MYOZ2: variants seen among roughly 807,000 people sequenced by gnomAD.
MYOZ2 encodes the protein myozenin 2.
A neutral mutation model predicts 25.4 loss-of-function variants in MYOZ2; 19 were observed. That is an observed-to-expected ratio of 0.75 (90% CI 0.52 to 1.10). The LOEUF (loss-of-function observed/expected upper bound fraction) is 1.10, where lower values mean the gene tolerates loss of function less well. Ranked by LOEUF, MYOZ2 falls within the 50% of genes least tolerant of loss-of-function variation. The probability of loss-of-function intolerance (pLI) is 0.00; values close to 1 mark genes in which losing one functional copy is unlikely to be tolerated. For missense variants in MYOZ2, 270 were observed against 317.9 expected, an observed-to-expected ratio of 0.85 and a Z score of 1.15; for synonymous variants, 92 against 106.9, an observed-to-expected ratio of 0.86 and a Z score of 0.86.
At chr4:119,167,406 T>C (rs917992870) in intron 5 of MYOZ2, among the ~76,000 whole-genome samples, 4 of 152,200 alleles carry the variant, frequency 2.6e-5, no homozygotes, top group Non-Finnish European at 5.9e-5. Context: ...AGTTGGAAGC[T>C]AGTAGTTGTT....
chr4:119,168,655 T>C (rs568375519), intron 5 of MYOZ2, among the ~76,000 whole-genome samples: 1 of 150,796 alleles, frequency 6.6e-6, no homozygotes, highest in South Asian at 2.1e-4. Flanking sequence ...TGTGACTGAA[T>C]TGCTGCAATC....
chr4:119,153,316 A>C (rs1741495994), intron 3 of MYOZ2, among the ~76,000 whole-genome samples: 1 of 152,132 alleles, frequency 6.6e-6, no homozygotes. Context: ...TATTAGACTC[A>C]GGTCTATTTC....
At chr4:119,178,627 G>C (rs892990175) in intron 5 of MYOZ2, among the ~76,000 whole-genome samples, 1 of 151,994 alleles carries the variant, frequency 6.6e-6, no homozygotes, top group East Asian at 1.9e-4. Flanking sequence ...ATTTATTTGA[G>C]TTGGAGTCTC....
Position 119,151,055 on chromosome 4 carries a change from G to A in MYOZ2, c.246+14G>A. ...GCACAAATAAATGTAGGTATAACTT[G>A]AACAGGTAGTATCCAAATGAATGCG... On this transcript the variant is annotated intron_variant, in intron 3 of 5. Coordinates refer to ENST00000307128, the MANE Select transcript of MYOZ2 (RefSeq NM_016599.5). The A allele has an allele frequency of 6.3e-7, 1 of 1,595,054 alleles. No individual in the cohort carries two copies. Among genetic ancestry groups the A allele is most frequent in the Non-Finnish European group, 8.6e-7 (1 of 1,163,150 alleles).
intron 2 of MYOZ2, among the ~76,000 whole-genome samples, chr4:119,139,311 C>T (rs985343298): frequency 1.3e-5 from 2 of 152,178 alleles, no homozygotes; most frequent in Admixed American, 1.3e-4. Context: ...AGACAAACCT[C>T]TGTGCTTTAT....
At chr4:119,172,589 G>A (rs911590525) in intron 5 of MYOZ2, among the ~76,000 whole-genome samples, 2 of 152,194 alleles carry the variant, frequency 1.3e-5, no homozygotes, top group African/African-American at 4.8e-5. Flanking sequence ...CCATAGTGAT[G>A]TTATCCCCAA....
intron 5 of MYOZ2, 34 bp downstream of exon 5, chr4:119,164,428 T>A (rs1374631763): frequency 1.9e-6 from 3 of 1,609,778 alleles, no homozygotes. Context: ...ACTGTTGGCA[T>A]GCAATACCAA....
intron 5 of MYOZ2, among the ~76,000 whole-genome samples, chr4:119,172,342 C>G (rs1488002046): frequency 6.6e-6 from 1 of 152,142 alleles, no homozygotes; most frequent in Admixed American, 6.6e-5. Flanking sequence ...ACCAGTCTCC[C>G]TGGGGATCAG....
At chr4:119,144,423 G>A (rs1003579575) in intron 2 of MYOZ2, among the ~76,000 whole-genome samples, 4 of 152,164 alleles carry the variant, frequency 2.6e-5, no homozygotes, top group African/African-American at 9.7e-5. Flanking sequence ...ATGAACATTT[G>A]GGTATATGAT....
At chr4:119,149,642 T>C (rs1047853528) in intron 2 of MYOZ2, among the ~76,000 whole-genome samples, 2 of 152,192 alleles carry the variant, frequency 1.3e-5, no homozygotes, top group Non-Finnish European at 2.9e-5. Flanking sequence ...CTGGGGTCCC[T>C]AGCTTGTCTG....
intron 5 of MYOZ2, among the ~76,000 whole-genome samples, chr4:119,182,248 T>C (rs1742197888): frequency 6.6e-6 from 1 of 152,216 alleles, no homozygotes; most frequent in African/African-American, 2.4e-5. Flanking sequence ...ATTTAGCTTC[T>C]AGCAAATTGG....
rs1553958625 is a variant in MYOZ2 at position 119,158,108 on chromosome 4, C to T, written c.333C>T (p.Thr111=). Residue 111 remains threonine (T), a synonymous_variant, in exon 4 of 6, where the codon ACC becomes ACT. Coordinates refer to ENST00000307128, the MANE Select transcript of MYOZ2 (RefSeq NM_016599.5). ...AAGCCCCCTTGACTCCTCCCAACAC[C>T]CCAGATCCACGAAGCCCTCCAAATC... ...SQQAPLTPPN[T]PDPRSPPNPD... 6 of 1,613,932 alleles carry T rather than the reference C, an allele frequency of 3.7e-6. No individual in the cohort carries two copies. Among genetic ancestry groups the T allele is most frequent in the Non-Finnish European group, 5.1e-6 (6 of 1,179,984 alleles).
intron 5 of MYOZ2, among the ~76,000 whole-genome samples, chr4:119,184,014 C>T (rs528422168): frequency 6.6e-6 from 1 of 152,050 alleles, no homozygotes; most frequent in Admixed American, 6.6e-5. Context: ...TGGGTTTCTC[C>T]ATGTTGGTCA....
At chr4:119,139,003 T>A (rs1741100570) in intron 2 of MYOZ2, among the ~76,000 whole-genome samples, 1 of 152,168 alleles carries the variant, frequency 6.6e-6, no homozygotes, top group African/African-American at 2.4e-5. Flanking sequence ...AAAAATTCTC[T>A]TCATATAGAT....
intron 4 of MYOZ2, among the ~76,000 whole-genome samples, chr4:119,161,329 T>C (rs1332235174): frequency 6.6e-6 from 1 of 152,150 alleles, no homozygotes; most frequent in Non-Finnish European, 1.5e-5. Flanking sequence ...AGTAGATAAG[T>C]TGAAAAGTAC....
chr4:119,179,559 C>T (rs1742145726), intron 5 of MYOZ2, among the ~76,000 whole-genome samples: 1 of 151,826 alleles, frequency 6.6e-6, no homozygotes, highest in African/African-American at 2.4e-5. Flanking sequence ...AAGTGAGTGT[C>T]CCTATCTACA....
At position 119,147,669 on chromosome 4, in the gene MYOZ2, G is replaced by T. The variant is rs142867808; in HGVS notation, c.77-3203G>T. On this transcript the variant is annotated intron_variant, in intron 2 of 5. Coordinates refer to ENST00000307128, the MANE Select transcript of MYOZ2 (RefSeq NM_016599.5). ...TGAGGCAGGAGAATCACTTGAACCT[G>T]GGAGGCGAAGGTTGCAGTGAGCCAA... Among the ~76,000 whole-genome samples, 774 of 151,394 alleles carry T rather than the reference G, an allele frequency of 5.1e-3. 5 individuals are homozygous for T. The highest frequency in any genetic ancestry group is 0.018 in the African/African-American group (755 of 41,334).
At chr4:119,158,663 T>G (rs1376694777) in intron 4 of MYOZ2, among the ~76,000 whole-genome samples, 1 of 152,220 alleles carries the variant, frequency 6.6e-6, no homozygotes, top group African/African-American at 2.4e-5. Flanking sequence ...TTTTAGATGG[T>G]CTGTTAATCA....
intron 2 of MYOZ2, among the ~76,000 whole-genome samples, chr4:119,140,013 G>C (rs757976202): frequency 2.8e-4 from 42 of 152,244 alleles, no homozygotes; most frequent in Middle Eastern, 3.4e-3. Flanking sequence ...GTTCTAAATG[G>C]AGTGCTGTTG....
Sources: allele counts gnomAD v4.1 joint callset (sites outside exome capture counted in the v4.1 genomes callset), GRCh38; gene constraint gnomAD v4.1.1; transcripts MANE v1.5; gene names NCBI Gene and HGNC (gene_info 2026-07-23, HGNC 2026-07-21).